Variants in EED observed in about 807,000 individuals in gnomAD.
EED encodes the protein polycomb protein EED.
Under a neutral mutation model 61.0 loss-of-function variants are expected in EED, and 9 were observed. The observed-to-expected ratio is 0.15, with a 90% CI of 0.09 to 0.26. EED has a LOEUF of 0.26. EED is among the 10% of genes least tolerant of loss of function. EED has a pLI of 1.00. For synonymous variants in EED, 187 were observed against 174.4 expected, an observed-to-expected ratio of 1.07 and a Z score of -0.57; for missense variants, 315 against 542.3, an observed-to-expected ratio of 0.58 and a Z score of 4.16.
intron 9 of EED, chr11:86,276,762 C>A: frequency 2.8e-6 from 1 of 357,196 alleles, no homozygotes; most frequent in East Asian, 4.2e-5. Flanking sequence ...CAATGTGATT[C>A]TTTTGTATTA....
intron 6 of EED, among the ~76,000 whole-genome samples, chr11:86,261,008 A>G (rs1945813235): frequency 6.6e-6 from 1 of 151,732 alleles, no homozygotes; most frequent in African/African-American, 2.4e-5. Context: ...TCATCTCCCA[A>G]CACTGCTGCA....
chr11:86,244,976 G>C lies in EED; in HGVS notation c.-254G>C, dbSNP rs574117792. On this transcript the variant is annotated 5_prime_UTR_variant, in exon 1 of 12. Coordinates refer to ENST00000263360, the MANE Select transcript of EED (RefSeq NM_003797.5). ...CGGGAGGGCGGCGGGAAAAGGGCAA[G>C]ACGGGAGTTGGGGAAGGGAAGGAGC... 17 of 428,822 alleles carry C rather than the reference G, an allele frequency of 4.0e-5. No homozygotes were observed. Among genetic ancestry groups the C allele is most frequent in the South Asian group, 3.1e-4 (10 of 31,854 alleles). The allele number at this position is 428,822 out of a possible 1,614,324, so 26.6% of individuals were successfully genotyped here.
chr11:86,278,048 C>T (rs1402536098), intron 11 of EED, 57 bp downstream of exon 11: 5 of 1,454,484 alleles, frequency 3.4e-6, no homozygotes, highest in Non-Finnish European at 2.7e-6. Context: ...CACTTGTATG[C>T]CAATGTAGAG....
chr11:86,248,807 C>A (rs993290889), intron 1 of EED, among the ~76,000 whole-genome samples: 14 of 152,002 alleles, frequency 9.2e-5, no homozygotes, highest in African/African-American at 3.4e-4. Context: ...TCCTTTGAGT[C>A]CAGGAGTTTG....
Position 86,257,559 on chromosome 11 carries a change from T to C in EED, c.597T>C (p.His199=), listed in dbSNP as rs2138163723. Residue 199 remains histidine, a synonymous_variant, in exon 6 of 12, where the codon CAT becomes CAC. Coordinates refer to ENST00000263360, the MANE Select transcript of EED (RefSeq NM_003797.5). ...HGNAINELKF[H]PRDPNLLLSV... Reference sequence around the variant, plus strand: ...ATGCTATCAATGAGCTGAAATTCCATCCAAGAGATCCAAATCTTCTCCTGT... The same window carrying C: ...ATGCTATCAATGAGCTGAAATTCCACCCAAGAGATCCAAATCTTCTCCTGT... The C allele has an allele frequency of 6.2e-7, 1 of 1,612,208 alleles. No homozygotes were observed. The highest frequency in any genetic ancestry group is 1.7e-4 in the Middle Eastern group (1 of 6,052).
chr11:86,268,625 G>GTGTGTGTA, intron 9 of EED, 64 bp downstream of exon 9: 2 of 948,370 alleles, frequency 2.1e-6, no homozygotes, highest in Non-Finnish European at 3.1e-6. Context: ...GTGTGTGTGT[G>GTGTGTGTA]TATGTGTGTG....
chr11:86,262,253 C>G (rs1033399915), intron 6 of EED, among the ~76,000 whole-genome samples: 1 of 152,028 alleles, frequency 6.6e-6, no homozygotes, highest in Non-Finnish European at 1.5e-5. Flanking sequence ...TTTTTAATTA[C>G]AAATTTCACC....
At chr11:86,253,959 G>C (rs1945598958) in intron 3 of EED, among the ~76,000 whole-genome samples, 1 of 144,254 alleles carries the variant, frequency 6.9e-6, no homozygotes, top group Non-Finnish European at 1.5e-5. Context: ...GAGGCAGGAG[G>C]ATCACTGGAA....
At chr11:86,258,259 A>G (rs1195753875) in intron 6 of EED, among the ~76,000 whole-genome samples, 1 of 152,236 alleles carries the variant, frequency 6.6e-6, no homozygotes, top group Non-Finnish European at 1.5e-5. Context: ...AATAAATACT[A>G]CATATGAAAA....
At chr11:86,246,078 T>C (rs1160612894) in intron 1 of EED, among the ~76,000 whole-genome samples, 2 of 152,262 alleles carry the variant, frequency 1.3e-5, no homozygotes, top group African/African-American at 4.8e-5. Flanking sequence ...TGTGGGTTCC[T>C]GGCTTCGCCA....
At chr11:86,247,421 G>A (rs554670565) in intron 1 of EED, among the ~76,000 whole-genome samples, 31 of 152,286 alleles carry the variant, frequency 2.0e-4, no homozygotes, top group African/African-American at 7.2e-4. Flanking sequence ...TATACTATAT[G>A]TACTTTATTA....
At chr11:86,261,675 T>C (rs950063223) in intron 6 of EED, among the ~76,000 whole-genome samples, 1 of 152,244 alleles carries the variant, frequency 6.6e-6, no homozygotes, top group Non-Finnish European at 1.5e-5. Context: ...CCACAGTTCC[T>C]GCATTCTCTG....
rs201298345 is a variant in EED at position 86,254,048 on chromosome 11, C to CAAAAAAAAAAAA, written c.361-1158_361-1147dup. Among the ~76,000 whole-genome samples, 156 of 56,324 alleles carry CAAAAAAAAAAAA rather than the reference C, an allele frequency of 2.8e-3. 3 individuals carry two copies. Among genetic ancestry groups the CAAAAAAAAAAAA allele is most frequent in the East Asian group, 3.5e-3 (5 of 1,432 alleles). The allele number at this position is 56,324 out of a possible 152,430, so 37.0% of individuals were successfully genotyped here. ...GGACGACAAGAGTGAAACTCTGTCTCAAAAAAAAAAAAAAAAAAAAAAAAA... is the reference window on the plus strand; with the variant it reads ...GGACGACAAGAGTGAAACTCTGTCTCAAAAAAAAAAAAAAAAAAAAAAAAAAAAAAAAAAAAA... On this transcript the variant is annotated intron_variant, in intron 3 of 11. Transcript: ENST00000263360.
In EED at chr11:86,266,184, A is replaced by G. The variant is rs1945972153; in HGVS notation, c.828A>G (p.Glu276=). 1 of 1,603,328 alleles carries G rather than the reference A, an allele frequency of 6.2e-7. No individual in the cohort carries two copies. The highest frequency in any genetic ancestry group is 8.5e-7 in the Non-Finnish European group (1 of 1,172,604). ...NSKRMMNAIK[E]SYDYNPNKTN... is the part of the protein sequence containing the mutation. ...AGAGAATGATGAATGCAATTAAGGA[A>G]TCTTATGATTATAATCCAAATAAAA... The change falls in exon 8 of 12, where the codon GAA becomes GAG. Residue 276 remains glutamate, a synonymous_variant. Transcript: ENST00000263360.
Position 86,266,210 on chromosome 11 carries a change from C to G in EED, c.854C>G (p.Thr285Ser). The G allele has an allele frequency of 6.3e-7, 1 of 1,592,512 alleles. No homozygotes were observed. Among genetic ancestry groups the G allele is most frequent in the Admixed American group, 1.7e-5 (1 of 58,234 alleles). Residue 285 changes from threonine (T) to serine (S), a missense_variant, in exon 8 of 12, where the codon ACT becomes AGT. This residue lies in a region of EED where 205 missense variants were observed against 455.4 expected (regional missense o/e 0.45). Transcript: ENST00000263360. ...KESYDYNPNK[T>S]NRPFISQKIH... ...TCTTATGATTATAATCCAAATAAAA[C>G]TAACAGGTAACAGTTGTGGTATTTG...
At chr11:86,263,799 C>A (rs1036564657) in intron 6 of EED, 2 of 160,894 alleles carry the variant, frequency 1.2e-5, no homozygotes, top group Non-Finnish European at 2.7e-5. Context: ...AGCAAAAGGG[C>A]AGGAGAGGGT....
At chr11:86,274,615 G>A (rs1946187844) in intron 9 of EED, among the ~76,000 whole-genome samples, 1 of 152,114 alleles carries the variant, frequency 6.6e-6, no homozygotes, top group Admixed American at 6.6e-5. Context: ...TGCTCAGTCG[G>A]GGTGGGAGTT....
chr11:86,259,251 G>A (rs1242602157), intron 6 of EED, among the ~76,000 whole-genome samples: 2 of 148,914 alleles, frequency 1.3e-5, no homozygotes, highest in East Asian at 1.9e-4. Context: ...GCATGAATAA[G>A]AATTTTGCTC....
intron 8 of EED, chr11:86,268,130 G>A (rs1946028797): frequency 5.8e-6 from 1 of 173,820 alleles, no homozygotes; most frequent in Admixed American, 6.3e-5. Context: ...AACTGATCAG[G>A]CCTTTATTAT....
Sources: allele counts gnomAD v4.1 joint callset (sites outside exome capture counted in the v4.1 genomes callset), GRCh38; gene constraint gnomAD v4.1.1; regional missense constraint gnomAD v4.1.1; transcripts MANE v1.5; gene names NCBI Gene and HGNC (gene_info 2026-07-23, HGNC 2026-07-21).